The following AMOTL2 variants were observed in gnomAD, a reference collection of about 807,000 sequenced individuals.
The protein encoded by AMOTL2 is angiomotin like 2, also known as angiomotin-like protein 2.
In AMOTL2, 33 loss-of-function variants were observed where a neutral mutation model predicts 78.4. That is an observed-to-expected ratio of 0.42 (90% CI 0.32 to 0.56). AMOTL2 has a LOEUF of 0.56. Ranked by LOEUF, AMOTL2 falls within the 20% of genes least tolerant of loss-of-function variation. The pLI is 0.12. For synonymous variants in AMOTL2, 422 were observed against 428.8 expected (o/e 0.98, Z 0.20); for missense variants, 983 against 1,030.1 (o/e 0.95, Z 0.63).
Position 134,357,492 on chromosome 3 carries a change from A to C in AMOTL2, c.*213T>G. On this transcript the variant is annotated 3_prime_UTR_variant, in exon 10 of 10. Transcript: ENST00000249883. The stretch of plus-strand genomic sequence containing the variant: ...AAGGCCCGGAGGAATGTGGGCTAAG[A>C]AGCAGAGTCTTCTGGGGGTGCCGGT... 3.4e-6 allele frequency: 2 copies of C among 589,212 alleles called. No homozygotes were observed. The highest frequency in any genetic ancestry group is 2.0e-5 in the South Asian group (1 of 48,992). The allele number at this position is 589,212 out of a possible 1,614,324, so 36.5% of individuals were successfully genotyped here. A position where few individuals can be genotyped will look rare whatever the true frequency, so the allele number is the denominator to read the frequency against.
rs2017810107 is a variant in AMOTL2, at chr3:134,370,741, G to A, written c.693C>T (p.Tyr231=). 1 of 1,514,166 alleles carries A rather than the reference G, an allele frequency of 6.6e-7. No homozygotes were observed. Among genetic ancestry groups the A allele is most frequent in the South Asian group, 1.3e-5 (1 of 75,070 alleles). 93.8% of individuals were successfully genotyped at this position (1,514,166 alleles called of 1,614,324 possible). A position where few individuals can be genotyped will look rare whatever the true frequency, so the allele number is the denominator to read the frequency against. The change falls in exon 2 of 10, where the codon TAC becomes TAT. Residue 231 remains tyrosine, a synonymous_variant. Transcript: ENST00000249883. ...ETTTAVTDPR[Y]RARGSPHFQH... Reference sequence around the variant, plus strand: ...GGAAGTGCGGGCTGCCGCGGGCACGGTACCGTGGGTCAGTGACAGCAGTGG... The same window carrying A: ...GGAAGTGCGGGCTGCCGCGGGCACGATACCGTGGGTCAGTGACAGCAGTGG...
chr3:134,367,852 C>T (rs2107745234), intron 2 of AMOTL2, 49 bp from the exon 3 acceptor site: 1 of 1,595,114 alleles, frequency 6.3e-7, no homozygotes, highest in South Asian at 1.1e-5. Flanking sequence ...ACCCTCATGG[C>T]TCCCACCAGA....
In AMOTL2 at chr3:134,366,325, T is replaced by G. The variant is rs199926809; in HGVS notation, c.1144A>C (p.Ser382Arg). The change falls in exon 4 of 10, where the codon AGT becomes CGT. Residue 382 changes from serine (S) to arginine (R), a missense_variant. Ser to Arg is a moderately radical substitution (Grantham distance 110, BLOSUM62 -1). Coordinates refer to ENST00000249883, the MANE Select transcript of AMOTL2 (RefSeq NM_016201.4). ...AAGTCTTGCAGCCTCCTCATTTCAC[T>G]GTCCATCTTGTTCCGCATGGTCTTC... ...LEKTMRNKMDSEMRRLQDFNR... is the reference protein window; with the variant it reads ...LEKTMRNKMDREMRRLQDFNR... 1 of 1,614,216 alleles carries G rather than the reference T, an allele frequency of 6.2e-7. No individual in the cohort carries two copies. Among genetic ancestry groups the G allele is most frequent in the South Asian group, 1.1e-5 (1 of 91,088 alleles).
At chr3:134,362,780 C>G (rs2017429486) in intron 5 of AMOTL2, among the ~76,000 whole-genome samples, 1 of 152,168 alleles carries the variant, frequency 6.6e-6, no homozygotes, top group African/African-American at 2.4e-5. Context: ...AGCCTTAAAT[C>G]CACCTCCCAG....
In AMOTL2 at chr3:134,359,444, T is replaced by C. The variant is rs763153527; in HGVS notation, c.1943A>G (p.Gln648Arg). 3.7e-6 allele frequency: 6 copies of C among 1,614,080 alleles called. No individual in the cohort carries two copies. In the Admixed American group the frequency reaches 1.0e-4, roughly 27 times the overall value. ...EKDAVIKVLQ[Q>R]RSRRDPGKAI... is the part of the protein sequence containing the mutation. ...CTTGCCAGGGTCTCTCCTGGAGCGC[T>C]GCTGAAGGACCTTGATCACTGCATC... is the stretch of plus-strand genomic sequence containing the variant. The change falls in exon 8 of 10, where the codon CAG (glutamine) becomes CGG (arginine). Residue 648 changes from glutamine (Q) to arginine (R), a missense_variant. Transcript: ENST00000249883.
At chr3:134,366,203 T>C in intron 4 of AMOTL2, 80 bp downstream of exon 4, 1 of 1,543,508 alleles carries the variant, frequency 6.5e-7, no homozygotes, top group Non-Finnish European at 8.8e-7. Context: ...AGAATAGAGA[T>C]TCCCAATTTT....
At position 134,358,600 on chromosome 3, in the gene AMOTL2, G is replaced by A. The variant is rs770039689; in HGVS notation, c.2224C>T (p.Leu742=). 4 of 1,614,028 alleles carry A rather than the reference G, an allele frequency of 2.5e-6. No individual in the cohort carries two copies. The highest frequency in any genetic ancestry group is 3.3e-5 in the Admixed American group (2 of 60,008). The change falls in exon 9 of 10, where the codon CTG becomes TTG. Residue 742 remains leucine, a synonymous_variant. Transcript: ENST00000249883. The part of the protein sequence containing the change: ...EGPPDSTSTC[L]PPEPDSLLGC... The stretch of plus-strand genomic sequence containing the variant: ...AGAAGGCTGTCAGGCTCCGGTGGCA[G>A]GCAGGTGGAGGTGCTGTCTGGGGGG...
intron 5 of AMOTL2, among the ~76,000 whole-genome samples, chr3:134,363,174 G>A (rs1327777107): frequency 6.6e-6 from 1 of 152,208 alleles, no homozygotes; most frequent in African/African-American, 2.4e-5. Flanking sequence ...ATGTGGAAGG[G>A]AGGATTCATT....
chr3:134,373,596 T>TG (rs1460199035), intron 1 of AMOTL2: 28 of 985,338 alleles, frequency 2.8e-5, no homozygotes, highest in Non-Finnish European at 3.1e-5. Context: ...CCTGGGCTCC[T>TG]GCTCGCCTAA....
At chr3:134,364,079 G>C (rs1047497891) in intron 5 of AMOTL2, among the ~76,000 whole-genome samples, 1 of 152,152 alleles carries the variant, frequency 6.6e-6, no homozygotes, top group Non-Finnish European at 1.5e-5. Flanking sequence ...GCGAGGCGCC[G>C]ACGGGACCCG....
In AMOTL2 at chr3:134,365,927, A is replaced by G. The variant is rs762474940; in HGVS notation, c.1187-18T>C. On this transcript the variant is annotated intron_variant, in intron 4 of 9. Coordinates refer to ENST00000249883, the MANE Select transcript of AMOTL2 (RefSeq NM_016201.4). Reference sequence around the variant, plus strand: ...CAATCTCTCTGTTTCAAGGGAAGGAAAGATGTTTTAGTGTCAGGTGAAGCT... The same window carrying G: ...CAATCTCTCTGTTTCAAGGGAAGGAGAGATGTTTTAGTGTCAGGTGAAGCT... 6.2e-6 allele frequency: 10 copies of G among 1,612,690 alleles called. No homozygotes were observed. The highest frequency in any genetic ancestry group is 7.6e-6 in the Non-Finnish European group (9 of 1,179,004).
At chr3:134,364,240 C>T (rs929892416) in intron 5 of AMOTL2, among the ~76,000 whole-genome samples, 3 of 151,968 alleles carry the variant, frequency 2.0e-5, no homozygotes, top group South Asian at 2.1e-4. Flanking sequence ...GAACAGCTCG[C>T]GGCTCTGGAA....
At chr3:134,360,512 T>A in intron 6 of AMOTL2, 99 bp from the exon 7 acceptor site, 1 of 1,032,806 alleles carries the variant, frequency 9.7e-7, no homozygotes, top group Non-Finnish European at 1.4e-6. Flanking sequence ...TACATGTACG[T>A]GTTCAGCCAT....
In AMOTL2 at chr3:134,370,963, C is replaced by T. The variant is rs564049370; in HGVS notation, c.471G>A (p.Ser157=). The T allele has an allele frequency of 1.2e-5, 19 of 1,609,148 alleles. No homozygotes were observed. Among genetic ancestry groups the T allele is most frequent in the African/African-American group, 1.1e-4 (8 of 74,956 alleles). The change falls in exon 2 of 10, where the codon TCG becomes TCA. Residue 157 remains serine, a synonymous_variant. Coordinates refer to ENST00000249883, the MANE Select transcript of AMOTL2 (RefSeq NM_016201.4). ...LRELRHGHVR[S]LSERLLQLSL... Reference sequence around the variant, plus strand: ...ACAACTGAAGGAGCCGTTCACTCAACGAGCGCACGTGCCCATGCCTCAGCT... The same window carrying T: ...ACAACTGAAGGAGCCGTTCACTCAATGAGCGCACGTGCCCATGCCTCAGCT...
intron 7 of AMOTL2, 26 bp from the exon 8 acceptor site, chr3:134,359,529 A>C (rs2017247065): frequency 6.3e-7 from 1 of 1,580,844 alleles, no homozygotes; most frequent in Non-Finnish European, 8.7e-7. Context: ...CCATGCCCAC[A>C]TTGTCAGACC....
intron 1 of AMOTL2, among the ~76,000 whole-genome samples, chr3:134,373,303 C>T (rs767145847): frequency 1.8e-4 from 27 of 152,150 alleles, no homozygotes; most frequent in Non-Finnish European, 3.4e-4. Context: ...GGGCCGACTC[C>T]CACAGAGAAG....
rs568395654 is a variant in AMOTL2, at chr3:134,355,606, G to A, written c.*2099C>T. ...CTGTGGATAACCACAGCGTGTGGCC[G>A]AACAAAGCTGATTAGAACACAGCCC... On this transcript the variant is annotated 3_prime_UTR_variant, in exon 10 of 10. Coordinates refer to ENST00000249883, the MANE Select transcript of AMOTL2 (RefSeq NM_016201.4). 6.9e-4 allele frequency among the ~76,000 whole-genome samples: 105 copies of A among 152,282 alleles called. No individual in the cohort carries two copies. The highest frequency in any genetic ancestry group is 2.3e-3 in the African/African-American group (97 of 41,552).
At position 134,360,382 on chromosome 3, in the gene AMOTL2, C is replaced by T. The variant is rs142861055; in HGVS notation, c.1607G>A (p.Gly536Asp). 6.2e-7 allele frequency: 1 copy of T among 1,612,856 alleles called. No individual in the cohort carries two copies. Among genetic ancestry groups the T allele is most frequent in the South Asian group, 1.1e-5 (1 of 91,054 alleles). ...RQAGAPGGSS[G>D]SGGSPELSAL... ...GCTGAGCTCTGGAGACCCACCACTG[C>T]CACTGCTACCACCTGGGGCACCTGC... Residue 536 changes from glycine (G) to aspartate (D), a missense_variant, in exon 7 of 10, where the codon GGC (glycine) becomes GAC (aspartate). Transcript: ENST00000249883.
intron 4 of AMOTL2, 85 bp downstream of exon 4, chr3:134,366,198 A>C: frequency 3.9e-6 from 6 of 1,537,040 alleles, no homozygotes; most frequent in Non-Finnish European, 5.3e-6. Flanking sequence ...GACAGAGAAT[A>C]GAGATTCCCA....
Sources: gnomAD v4.1 joint callset for allele counts (sites outside exome capture counted in the v4.1 genomes callset) on GRCh38, gnomAD v4.1.1 for gene constraint, MANE v1.5 for transcripts, NCBI Gene and HGNC (gene_info 2026-07-23, HGNC 2026-07-21) for gene names.